The following PCDHGA1 variants were observed in gnomAD, a reference collection of about 807,000 sequenced individuals.
PCDHGA1 encodes protocadherin gamma-A1.
PCDHGA1 carries 32 observed loss-of-function variants against 58.0 expected under a neutral mutation model. That is an observed-to-expected ratio of 0.55 (90% CI 0.42 to 0.74). The LOEUF is 0.74. Among genes scored for constraint, PCDHGA1 ranks in the 30% least tolerant of loss-of-function variants. The probability of loss-of-function intolerance (pLI) is 0.00; values close to 1 mark genes in which losing one functional copy is unlikely to be tolerated. For missense variants in PCDHGA1, 1,205 were observed against 1,182.3 expected, an observed-to-expected ratio of 1.02 and a Z score of -0.28; for synonymous variants, 498 against 501.1, an observed-to-expected ratio of 0.99 and a Z score of 0.08.
intron 1 of PCDHGA1, chr5:141,366,716 A>G (rs746454845): frequency 1.4e-5 from 23 of 1,614,062 alleles, no homozygotes; most frequent in Non-Finnish European, 1.9e-5. Flanking sequence ...GATGTCTGAT[A>G]AGGTAGATGC....
intron 2 of PCDHGA1, among the ~76,000 whole-genome samples, chr5:141,500,893 A>G (rs1393294152): frequency 1.1e-5 from 1 of 94,848 alleles, no homozygotes; most frequent in Non-Finnish European, 2.0e-5. Context: ...TTTTTTTGAG[A>G]CAGTCTCGCT....
intron 1 of PCDHGA1, chr5:141,424,079 C>A: frequency 3.1e-6 from 3 of 973,190 alleles, no homozygotes; most frequent in African/African-American, 1.8e-5. Context: ...TAGTTATATT[C>A]CACCATTATT....
rs1182631562 is a variant in PCDHGA1 at position 141,345,356 on chromosome 5, T to C, written c.2421+12251T>C. 5.0e-6 allele frequency: 8 copies of C among 1,613,980 alleles called. No individual in the cohort carries two copies. In the Admixed American group the frequency reaches 8.3e-5, roughly 17 times the overall value. ...CCACAGAAACTCACATCACCCTGCA[T>C]GTGATTGACATCAATGACAACCCAC... On this transcript the variant is annotated intron_variant, in intron 1 of 3. Transcript: ENST00000517417.
intron 1 of PCDHGA1, chr5:141,357,256 G>A: frequency 6.2e-7 from 1 of 1,613,738 alleles, no homozygotes; most frequent in Non-Finnish European, 8.5e-7. Flanking sequence ...AGACCCAGAC[G>A]ACTCGGGCCT....
intron 1 of PCDHGA1, chr5:141,391,108 A>G (rs1253319004): frequency 6.6e-6 from 1 of 152,138 alleles, no homozygotes; most frequent in African/African-American, 2.4e-5. Flanking sequence ...CTAAACTAAT[A>G]TAGCTAGAGG....
intron 1 of PCDHGA1, among the ~76,000 whole-genome samples, chr5:141,450,223 G>A (rs1458841129): frequency 2.0e-5 from 3 of 151,818 alleles, no homozygotes; most frequent in Non-Finnish European, 4.4e-5. Context: ...TCACTATGTT[G>A]GCCAGGCTAG....
chr5:141,357,569 C>G, intron 1 of PCDHGA1: 1 of 1,614,208 alleles, frequency 6.2e-7, no homozygotes, highest in Non-Finnish European at 8.5e-7. Context: ...AAAAGCGAGC[C>G]TCTTCTGATA....
chr5:141,433,935 T>C (rs2097665519), intron 1 of PCDHGA1, among the ~76,000 whole-genome samples: 1 of 152,150 alleles, frequency 6.6e-6, no homozygotes, highest in African/African-American at 2.4e-5. Context: ...GATTTTATAA[T>C]TCCATTGTTT....
chr5:141,366,221 G>C lies in PCDHGA1; in HGVS notation c.2421+33116G>C, dbSNP rs774963460. 7 of 1,613,716 alleles carry C rather than the reference G, an allele frequency of 4.3e-6. No individual in the cohort carries two copies. The East Asian group carries it at 1.6e-4, about 36-fold the overall frequency. ...CACGGGCGAGGTGCGCACAGCGCGA[G>C]CCCTGCTGGACAGAGACGCGCTCAA... On this transcript the variant is annotated intron_variant, in intron 1 of 3. Coordinates refer to ENST00000517417, the MANE Select transcript of PCDHGA1 (RefSeq NM_018912.3).
chr5:141,360,863 G>T, intron 1 of PCDHGA1: 1 of 1,614,000 alleles, frequency 6.2e-7, no homozygotes, highest in Non-Finnish European at 8.5e-7. Context: ...CCAGTGTTCA[G>T]CCAGGACGTG....
At chr5:141,419,187 C>G (rs1179461161) in intron 1 of PCDHGA1, 4 of 1,614,024 alleles carry the variant, frequency 2.5e-6, no homozygotes, top group Non-Finnish European at 2.5e-6. Context: ...CTGCACATTA[C>G]TGACGTCAAT....
intron 3 of PCDHGA1, among the ~76,000 whole-genome samples, chr5:141,506,444 C>CA (rs1219684339): frequency 0.017 from 1,570 of 94,842 alleles, 20 homozygotes; most frequent in African/African-American, 0.048. Flanking sequence ...CGCTCTGTCT[C>CA]AAAAAAAAAA....
At chr5:141,440,382 C>T (rs898655247) in intron 1 of PCDHGA1, 2 of 152,178 alleles carry the variant, frequency 1.3e-5, no homozygotes, top group Non-Finnish European at 2.9e-5. Context: ...AGGAGAATCG[C>T]TTGAACCCGA....
chr5:141,351,139 T>C, intron 1 of PCDHGA1: 1 of 1,613,992 alleles, frequency 6.2e-7, no homozygotes, highest in Non-Finnish European at 8.5e-7. Flanking sequence ...TCAATCCAAA[T>C]ACTGGCGACA....
chr5:141,375,151 T>G, intron 1 of PCDHGA1: 2 of 1,613,962 alleles, frequency 1.2e-6, no homozygotes, highest in Non-Finnish European at 1.7e-6. Context: ...GCAGAACAAT[T>G]GCTGAAAGTG....
At chr5:141,412,591 A>G (rs2095564760) in intron 1 of PCDHGA1, 1 of 152,214 alleles carries the variant, frequency 6.6e-6, no homozygotes, top group Non-Finnish European at 1.5e-5. Flanking sequence ...ATGAATGTAT[A>G]CTAAATAAAA....
intron 1 of PCDHGA1, chr5:141,346,452 C>T (rs763931622): frequency 1.4e-5 from 23 of 1,614,088 alleles, no homozygotes; most frequent in Non-Finnish European, 1.9e-5. Flanking sequence ...TTCCAACCTA[C>T]TTCAGGTGAG....
chr5:141,339,097 C>T (rs996027975), intron 1 of PCDHGA1: 8 of 1,614,116 alleles, frequency 5.0e-6, no homozygotes, highest in Non-Finnish European at 5.1e-6. Context: ...TCGACAGAGG[C>T]TCCTTCGTAG....
At chr5:141,424,776 A>C (rs1406581367) in intron 1 of PCDHGA1, 2 of 152,154 alleles carry the variant, frequency 1.3e-5, no homozygotes, top group African/African-American at 4.8e-5. Context: ...CAAATAGTAC[A>C]TTCAGTTCTT....
Sources: gnomAD v4.1 joint callset for allele counts (sites outside exome capture counted in the v4.1 genomes callset) on GRCh38, gnomAD v4.1.1 for gene constraint, MANE v1.5 for transcripts, NCBI Gene and HGNC (gene_info 2026-07-23, HGNC 2026-07-21) for gene names.